Variants in LRFN2 observed in about 807,000 individuals in gnomAD.
LRFN2 encodes leucine-rich repeat and fibronectin type-III domain-containing protein 2.
In LRFN2, 18 loss-of-function variants were observed where a neutral mutation model predicts 37.3. The observed-to-expected ratio is 0.48, with a 90% CI of 0.33 to 0.72. The LOEUF is 0.72. Ranked by LOEUF, LRFN2 falls within the 30% of genes least tolerant of loss-of-function variation. LRFN2 has a pLI of 0.02. For synonymous variants in LRFN2, 556 were observed against 466.6 expected (o/e 1.19, Z -2.47); for missense variants, 1,006 against 1,060.7 (o/e 0.95, Z 0.72).
chr6:40,419,228 T>A (rs1763164243), intron 2 of LRFN2, among the ~76,000 whole-genome samples: 1 of 152,252 alleles, frequency 6.6e-6, no homozygotes, highest in Non-Finnish European at 1.5e-5. Context: ...CATGGATTGA[T>A]GCTGAGCGCA....
chr6:40,526,017 T>C (rs1377772209), intron 1 of LRFN2, among the ~76,000 whole-genome samples: 1 of 152,226 alleles, frequency 6.6e-6, no homozygotes, highest in African/African-American at 2.4e-5. Flanking sequence ...AAAAGGTTCC[T>C]GTTCTCAAGA....
At chr6:40,464,753 C>A (rs1764421819) in intron 1 of LRFN2, among the ~76,000 whole-genome samples, 3 of 151,988 alleles carry the variant, frequency 2.0e-5, no homozygotes, top group East Asian at 1.9e-4. Flanking sequence ...GAAGACAGGT[C>A]AAAAATGCAG....
chr6:40,495,616 A>G lies in LRFN2; in HGVS notation c.-18-62485T>C, dbSNP rs1387667290. ...GCCCTGTCTCCTTCCTGAAGCCTCC[A>G]TCATCTAGAACCCTCCAGGGAGTAG... is the stretch of plus-strand genomic sequence containing the variant. On this transcript the variant is annotated intron_variant, in intron 1 of 2. Coordinates refer to ENST00000338305, the MANE Select transcript of LRFN2 (RefSeq NM_020737.3). Among the ~76,000 whole-genome samples the G allele has an allele frequency of 2.0e-5, 3 of 152,072 alleles. No individual in the cohort carries two copies. The East Asian group carries it at 5.8e-4, about 29-fold the overall frequency.
intron 1 of LRFN2, among the ~76,000 whole-genome samples, chr6:40,562,681 C>T (rs1767020354): frequency 6.6e-6 from 1 of 152,184 alleles, no homozygotes; most frequent in African/African-American, 2.4e-5. Flanking sequence ...CCTGCCAACA[C>T]ACACACATAT....
intron 1 of LRFN2, among the ~76,000 whole-genome samples, chr6:40,444,831 A>G (rs992826548): frequency 1.6e-4 from 25 of 151,878 alleles, no homozygotes; most frequent in African/African-American, 5.8e-4. Context: ...CTCAAGTCCA[A>G]ATAGGGCTTC....
At chr6:40,574,180 A>ATATATATATATATATTATAT (rs1767235043) in intron 1 of LRFN2, among the ~76,000 whole-genome samples, 1 of 152,228 alleles carries the variant, frequency 6.6e-6, no homozygotes. Context: ...TGGTATAGAC[A>ATATATATATATATATTATAT]AACACTTTAA....
At chr6:40,463,187 A>T (rs1764382555) in intron 1 of LRFN2, among the ~76,000 whole-genome samples, 1 of 152,216 alleles carries the variant, frequency 6.6e-6, no homozygotes, top group Non-Finnish European at 1.5e-5. Context: ...TATAAGAGGA[A>T]AATAAACTTC....
At chr6:40,437,547 A>G (rs1581705305) in intron 1 of LRFN2, among the ~76,000 whole-genome samples, 2 of 152,360 alleles carry the variant, frequency 1.3e-5, no homozygotes, top group East Asian at 3.9e-4. Context: ...AATCTGTGAC[A>G]TAATAGAGCT....
intron 1 of LRFN2, among the ~76,000 whole-genome samples, chr6:40,552,815 G>T (rs933057877): frequency 3.3e-5 from 5 of 151,814 alleles, no homozygotes; most frequent in African/African-American, 1.2e-4. Context: ...GCCAATCTTT[G>T]TCCATAAGCA....
At chr6:40,543,454 C>G (rs1445015017) in intron 1 of LRFN2, among the ~76,000 whole-genome samples, 2 of 152,162 alleles carry the variant, frequency 1.3e-5, no homozygotes. Flanking sequence ...TGTATCTTCC[C>G]CACTCCAACT....
At chr6:40,452,476 C>T (rs1277697688) in intron 1 of LRFN2, among the ~76,000 whole-genome samples, 1 of 152,154 alleles carries the variant, frequency 6.6e-6, no homozygotes, top group Admixed American at 6.5e-5. Flanking sequence ...ATTAGTGAGT[C>T]CTGAGCACTG....
At chr6:40,501,583 C>T (rs1253311516) in intron 1 of LRFN2, 1 of 151,978 alleles carries the variant, frequency 6.6e-6, no homozygotes, top group East Asian at 1.9e-4. Context: ...CTGCCTTGCC[C>T]TCCTAAAGTA....
chr6:40,439,530 T>A (rs530287432), intron 1 of LRFN2, among the ~76,000 whole-genome samples: 4 of 152,258 alleles, frequency 2.6e-5, no homozygotes, highest in African/African-American at 9.6e-5. Context: ...CTTTTCTGAT[T>A]TGGGAGTTGC....
At chr6:40,406,118 G>A (rs1762840521) in intron 2 of LRFN2, among the ~76,000 whole-genome samples, 1 of 152,222 alleles carries the variant, frequency 6.6e-6, no homozygotes, top group South Asian at 2.1e-4. Context: ...TCAAGCCCCA[G>A]TGCTGTCACT....
At chr6:40,436,550 C>G (rs535104452) in intron 1 of LRFN2, among the ~76,000 whole-genome samples, 1 of 152,058 alleles carries the variant, frequency 6.6e-6, no homozygotes, top group Admixed American at 6.5e-5. Context: ...GCCAAAGTGC[C>G]GAGTTCCACA....
intron 1 of LRFN2, among the ~76,000 whole-genome samples, chr6:40,505,867 C>T (rs1478660150): frequency 1.3e-5 from 2 of 152,208 alleles, no homozygotes; most frequent in African/African-American, 2.4e-5. Flanking sequence ...GCCAGCTGGC[C>T]AGCTAGAGAT....
chr6:40,441,125 A>C (rs546918128), intron 1 of LRFN2, among the ~76,000 whole-genome samples: 5 of 152,330 alleles, frequency 3.3e-5, no homozygotes, highest in African/African-American at 1.2e-4. Flanking sequence ...TTCACGTGCC[A>C]ATGACTGGTA....
At chr6:40,450,318 A>G (rs1764075127) in intron 1 of LRFN2, among the ~76,000 whole-genome samples, 1 of 152,234 alleles carries the variant, frequency 6.6e-6, no homozygotes, top group African/African-American at 2.4e-5. Context: ...TAAGATTCTC[A>G]TTAGTATTGC....
intron 2 of LRFN2, among the ~76,000 whole-genome samples, chr6:40,399,438 C>CTTTTT (rs71543989): frequency 1.8e-5 from 2 of 108,924 alleles, no homozygotes; most frequent in Admixed American, 1.0e-4. Context: ...TTTTTTTTTT[C>CTTTTT]TTTTTTTTTT....
Sources: gnomAD v4.1 joint callset for allele counts (sites outside exome capture counted in the v4.1 genomes callset) on GRCh38, gnomAD v4.1.1 for gene constraint, MANE v1.5 for transcripts, NCBI Gene and HGNC (gene_info 2026-07-23, HGNC 2026-07-21) for gene names.